PDS5B: variants seen among roughly 807,000 people sequenced by gnomAD.
PDS5B encodes sister chromatid cohesion protein PDS5 homolog B.
Under a neutral mutation model 184.1 loss-of-function variants are expected in PDS5B, and 51 were observed. That is an observed-to-expected ratio of 0.28 (90% CI 0.22 to 0.35). The LOEUF (loss-of-function observed/expected upper bound fraction) is 0.35, where lower values mean the gene tolerates loss of function less well. PDS5B is among the 10% of genes least tolerant of loss of function. The probability of loss-of-function intolerance (pLI) is 1.00; values close to 1 mark genes in which losing one functional copy is unlikely to be tolerated. For synonymous variants in PDS5B, 566 were observed against 569.2 expected, an observed-to-expected ratio of 0.99 and a Z score of 0.08; for missense variants, 1,180 against 1,723.3, an observed-to-expected ratio of 0.68 and a Z score of 5.58.
chr13:32,748,331 C>T (rs1213905749), intron 24 of PDS5B, among the ~76,000 whole-genome samples: 1 of 152,094 alleles, frequency 6.6e-6, no homozygotes, highest in East Asian at 1.9e-4. Context: ...TGTTGAAGTC[C>T]TCAAGTCCAG....
intron 18 of PDS5B, among the ~76,000 whole-genome samples, chr13:32,708,519 T>G (rs1593476261): frequency 6.6e-6 from 1 of 152,176 alleles, no homozygotes; most frequent in East Asian, 1.9e-4. Flanking sequence ...CTTTCAAAAT[T>G]CTTGGAGCAA....
At chr13:32,626,951 C>G (rs2058379526) in intron 1 of PDS5B, among the ~76,000 whole-genome samples, 1 of 152,144 alleles carries the variant, frequency 6.6e-6, no homozygotes, top group Non-Finnish European at 1.5e-5. Flanking sequence ...GTTCTTAAGT[C>G]TTGGAATCAG....
At position 32,699,860 on chromosome 13, in the gene PDS5B, A is replaced by T. The variant is rs770700386; in HGVS notation, c.1731A>T (p.Glu577Asp). 9 of 1,567,202 alleles carry T rather than the reference A, an allele frequency of 5.7e-6. No individual in the cohort carries two copies. Among genetic ancestry groups the T allele is most frequent in the Non-Finnish European group, 7.7e-6 (9 of 1,162,398 alleles). ...VSPTCSCKQAEGCVREITKKL... is the reference protein window; with the variant it reads ...VSPTCSCKQADGCVREITKKL... Reference sequence around the variant, plus strand: ...CAACATGCTCCTGCAAGCAGGCTGAAGGTTGTGTGGTAAGGAGAGAAAAGA... The same window carrying T: ...CAACATGCTCCTGCAAGCAGGCTGATGGTTGTGTGGTAAGGAGAGAAAAGA... The change falls in exon 16 of 35, where the codon GAA becomes GAT. Residue 577 changes from glutamate to aspartate, a missense_variant. By Grantham distance (45) the Glu-to-Asp change is conservative. Transcript: ENST00000315596.
intron 10 of PDS5B, among the ~76,000 whole-genome samples, 187 bp downstream of exon 10, chr13:32,679,116 C>T (rs749878394): frequency 3.0e-4 from 45 of 149,970 alleles, no homozygotes; most frequent in East Asian, 2.9e-3. Flanking sequence ...GACAAGGTCT[C>T]GCTATGTTGC....
At chr13:32,729,823 G>A (rs377748914) in intron 19 of PDS5B, among the ~76,000 whole-genome samples, 1 of 151,450 alleles carries the variant, frequency 6.6e-6, no homozygotes, top group Non-Finnish European at 1.5e-5. Flanking sequence ...TAAGTTTCTT[G>A]TAGATTCTGG....
chr13:32,629,830 G>A (rs568680573), intron 1 of PDS5B, among the ~76,000 whole-genome samples: 10 of 152,248 alleles, frequency 6.6e-5, no homozygotes, highest in South Asian at 2.1e-4. Flanking sequence ...CAAAATCAGC[G>A]AATTTCTCTT....
At chr13:32,752,687 TA>T (rs547108023) in intron 24 of PDS5B, among the ~76,000 whole-genome samples, 202 of 152,268 alleles carry the variant, frequency 1.3e-3, no homozygotes, top group Non-Finnish European at 2.6e-3. Flanking sequence ...GCTAGGAGAC[TA>T]GGGGTGGGTA....
chr13:32,598,770 CTTTTTT>C (rs756301581), intron 1 of PDS5B, among the ~76,000 whole-genome samples: 6 of 126,362 alleles, frequency 4.7e-5, no homozygotes, highest in African/African-American at 1.2e-4. Flanking sequence ...TTTTTTCTCT[CTTTTTT>C]TTTTTTTTTT....
rs561702930 is a variant in PDS5B at position 32,656,595 on chromosome 13, C to CTT, written c.313-1628_313-1627dup. 8.1e-3 allele frequency among the ~76,000 whole-genome samples: 1,040 copies of CTT among 128,182 alleles called. 24 individuals are homozygous for CTT. The highest frequency in any genetic ancestry group is 0.021 in the African/African-American group (713 of 33,910). The allele number at this position is 128,182 out of a possible 152,430, so 84.1% of individuals were successfully genotyped here. A position where few individuals can be genotyped will look rare whatever the true frequency, so the allele number is the denominator to read the frequency against. The stretch of plus-strand genomic sequence containing the variant: ...CCTAGGTATTTTATTCTTTTTGTGG[C>CTT]TTTTTTTTTTTTTTTTTAAAAGACA... On this transcript the variant is annotated intron_variant, in intron 3 of 34. Coordinates refer to ENST00000315596, the MANE Select transcript of PDS5B (RefSeq NM_015032.4).
At chr13:32,606,312 T>C (rs964692360) in intron 1 of PDS5B, among the ~76,000 whole-genome samples, 20 of 152,312 alleles carry the variant, frequency 1.3e-4, no homozygotes, top group African/African-American at 4.6e-4. Context: ...ATTTTATTTC[T>C]CCTTCACTTA....
At chr13:32,712,828 A>T (rs1249711177) in intron 19 of PDS5B, among the ~76,000 whole-genome samples, 1 of 152,246 alleles carries the variant, frequency 6.6e-6, no homozygotes, top group Non-Finnish European at 1.5e-5. Context: ...CAGGAAGAGC[A>T]AAGTTTAGTG....
At chr13:32,652,906 GGA>G (rs1950408002) in intron 3 of PDS5B, among the ~76,000 whole-genome samples, 1 of 152,152 alleles carries the variant, frequency 6.6e-6, no homozygotes, top group Non-Finnish European at 1.5e-5. Flanking sequence ...AATCTTTTTA[GGA>G]AAATGCTGGT....
intron 19 of PDS5B, among the ~76,000 whole-genome samples, chr13:32,714,851 T>C (rs1952324216): frequency 6.6e-6 from 1 of 152,182 alleles, no homozygotes; most frequent in African/African-American, 2.4e-5. Flanking sequence ...TGAGGCGATA[T>C]ACATCCTCCT....
chr13:32,673,104 G>T, intron 7 of PDS5B, 112 bp from the exon 8 acceptor site: 1 of 878,346 alleles, frequency 1.1e-6, no homozygotes, highest in Non-Finnish European at 1.8e-6. Flanking sequence ...ATTTTGATAT[G>T]CCTAGTTTGA....
Position 32,721,855 on chromosome 13 carries a change from C to T in PDS5B, c.2124-10246C>T, listed in dbSNP as rs559126827. ...AGACGGGATGACGGCTGGGAAGAGG[C>T]GCTCCTCACTTCCCAGACTGGGTGG... On this transcript the variant is annotated intron_variant, in intron 19 of 34. Transcript: ENST00000315596. 5.3e-5 allele frequency among the ~76,000 whole-genome samples: 8 copies of T among 150,114 alleles called. No homozygotes were observed. The East Asian group carries it at 6.0e-4, about 11-fold the overall frequency.
At chr13:32,619,935 A>G (rs1469752675) in intron 1 of PDS5B, among the ~76,000 whole-genome samples, 2 of 151,908 alleles carry the variant, frequency 1.3e-5, no homozygotes, top group East Asian at 3.9e-4. Flanking sequence ...CGTAGCTGGG[A>G]TTACAGGGGC....
intron 1 of PDS5B, among the ~76,000 whole-genome samples, chr13:32,626,600 C>T (rs538629634): frequency 9.9e-5 from 15 of 151,886 alleles, no homozygotes; most frequent in African/African-American, 3.4e-4. Flanking sequence ...GACATGTTTT[C>T]AGTCTTGCTG....
Position 32,720,856 on chromosome 13 carries a change from T to C in PDS5B, c.2123+10750T>C, listed in dbSNP as rs577687439. On this transcript the variant is annotated intron_variant, in intron 19 of 34. Coordinates refer to ENST00000315596, the MANE Select transcript of PDS5B (RefSeq NM_015032.4). ...GAGTGGTGATGACTCTTAATGAGCATGCTGCCTTCAAGCATCTGTTTAACA... is the reference window on the plus strand; with the variant it reads ...GAGTGGTGATGACTCTTAATGAGCACGCTGCCTTCAAGCATCTGTTTAACA... Among the ~76,000 whole-genome samples, 355 of 152,210 alleles carry C rather than the reference T, an allele frequency of 2.3e-3. 2 individuals carry two copies. The highest frequency in any genetic ancestry group is 2.3e-3 in the Non-Finnish European group (156 of 67,994).
intron 3 of PDS5B, among the ~76,000 whole-genome samples, chr13:32,654,607 G>T (rs1194502145): frequency 1.3e-5 from 2 of 152,010 alleles, no homozygotes; most frequent in African/African-American, 4.8e-5. Context: ...TGTCATGAGG[G>T]TTTGGTGTAC....
Sources: allele counts gnomAD v4.1 joint callset (sites outside exome capture counted in the v4.1 genomes callset), GRCh38; gene constraint gnomAD v4.1.1; transcripts MANE v1.5; gene names NCBI Gene and HGNC (gene_info 2026-07-23, HGNC 2026-07-21).